Variants in SIX6 observed in about 807,000 individuals in gnomAD.
The protein encoded by SIX6 is homeobox protein SIX6.
In SIX6, 14 loss-of-function variants were observed where a neutral mutation model predicts 23.6. That is an observed-to-expected ratio of 0.59 (90% CI 0.39 to 0.93). The LOEUF (loss-of-function observed/expected upper bound fraction) is 0.93. Among genes scored for constraint, SIX6 ranks in the 40% least tolerant of loss-of-function variants. The probability of loss-of-function intolerance (pLI) is 0.00; values close to 1 mark genes in which losing one functional copy is unlikely to be tolerated. For missense variants in SIX6, 307 were observed against 325.6 expected, an observed-to-expected ratio of 0.94 and a Z score of 0.44; for synonymous variants, 128 against 144.9, an observed-to-expected ratio of 0.88 and a Z score of 0.84.
chr14:60,510,724 C>T (rs990182878), intron 1 of SIX6, among the ~76,000 whole-genome samples: 3 of 152,226 alleles, frequency 2.0e-5, no homozygotes, highest in Non-Finnish European at 4.4e-5. Flanking sequence ...ATCCCATGTC[C>T]CTGGGACCGA....
Position 60,511,319 on chromosome 14 carries a change from G to C in SIX6, c.*67G>C. Reference sequence around the variant, plus strand: ...AACGAGAAAAACAAAATGAAAGAGGGGAAGAAGATGAGAGACCTGCAAATC... The same window carrying C: ...AACGAGAAAAACAAAATGAAAGAGGCGAAGAAGATGAGAGACCTGCAAATC... On this transcript the variant is annotated 3_prime_UTR_variant, in exon 2 of 2. Coordinates refer to ENST00000327720, the MANE Select transcript of SIX6 (RefSeq NM_007374.3). 7.1e-6 allele frequency: 11 copies of C among 1,539,176 alleles called. No individual in the cohort carries two copies. Among genetic ancestry groups the C allele is most frequent in the South Asian group, 1.1e-5 (1 of 89,410 alleles).
chr14:60,511,036 G>A, intron 1 of SIX6, 48 bp from the exon 2 acceptor site: 1 of 1,592,702 alleles, frequency 6.3e-7, no homozygotes, highest in East Asian at 2.3e-5. Flanking sequence ...GCGGGCGACG[G>A]GCGGCTGTGT....
Position 60,511,738 on chromosome 14 carries a change from C to G in SIX6, c.*486C>G, listed in dbSNP as rs543820873. 27 of 231,532 alleles carry G rather than the reference C, an allele frequency of 1.2e-4. No homozygotes were observed. The South Asian group carries it at 1.6e-3, about 13-fold the overall frequency. 14.3% of individuals were successfully genotyped at this position (231,532 alleles called of 1,614,324 possible). A position where few individuals can be genotyped will look rare whatever the true frequency, so the allele number is the denominator to read the frequency against. On this transcript the variant is annotated 3_prime_UTR_variant, in exon 2 of 2. Coordinates refer to ENST00000327720, the MANE Select transcript of SIX6 (RefSeq NM_007374.3). Reference sequence around the variant, plus strand: ...AACTTGCTGTTTCTAAACATGCAGGCTGGTGGTGATGGGTTCTGTGTGGAG... The same window carrying G: ...AACTTGCTGTTTCTAAACATGCAGGGTGGTGGTGATGGGTTCTGTGTGGAG...
chr14:60,511,015 A>T (rs575350324), intron 1 of SIX6, 69 bp from the exon 2 acceptor site: 3 of 1,498,284 alleles, frequency 2.0e-6, no homozygotes, highest in East Asian at 2.4e-5. Flanking sequence ...GGGACGCAGG[A>T]GGTGGTGGGG....
chr14:60,509,679 C>T lies in SIX6; in HGVS notation c.281C>T (p.Ala94Val). The T allele has an allele frequency of 1.2e-6, 2 of 1,613,998 alleles. No individual in the cohort carries two copies. The highest frequency in any genetic ancestry group is 1.7e-6 in the Non-Finnish European group (2 of 1,180,006). ...AAGCTGCAGGCGCTGTGGCTTGAAG[C>T]ACACTACCAGGAGGCTGAGAAGCTG... ...HAKLQALWLE[A>V]HYQEAEKLRG... The change falls in exon 1 of 2, where the codon GCA becomes GTA. Residue 94 changes from alanine (A) to valine (V), a missense_variant. Coordinates refer to ENST00000327720, the MANE Select transcript of SIX6 (RefSeq NM_007374.3).
At position 60,509,539 on chromosome 14, in the gene SIX6, C is replaced by G; in HGVS notation, c.141C>G (p.Leu47=). 1 of 1,610,044 alleles carries G rather than the reference C, an allele frequency of 6.2e-7. No homozygotes were observed. Among genetic ancestry groups the G allele is most frequent in the African/African-American group, 1.3e-5 (1 of 75,064 alleles). ...TGGCCCCTGCGGCCTGCGAGGCCCT[C>G]AACAAGAATGAGTCGGTGCTACGCG... ...LPVAPAACEA[L]NKNESVLRAR... Residue 47 remains leucine, a synonymous_variant, in exon 1 of 2, where the codon CTC becomes CTG. Transcript: ENST00000327720.
intron 1 of SIX6, 21 bp downstream of exon 1, chr14:60,509,991 G>A (rs2140188271): frequency 1.9e-6 from 3 of 1,574,550 alleles, no homozygotes; most frequent in Non-Finnish European, 2.6e-6. Flanking sequence ...AGAGGCCTCC[G>A]CGCTTTGAGC....
At position 60,511,971 on chromosome 14, in the gene SIX6, T is replaced by C; in HGVS notation, c.*719T>C. 6.5e-6 allele frequency: 1 copy of C among 153,728 alleles called. No individual in the cohort carries two copies. The highest frequency in any genetic ancestry group is 1.4e-5 in the Non-Finnish European group (1 of 69,106). The allele number at this position is 153,728 out of a possible 1,614,324, so 9.5% of individuals were successfully genotyped here. A position where few individuals can be genotyped will look rare whatever the true frequency, so the allele number is the denominator to read the frequency against. ...TATGTTTTAAACAACCTATGGTAGG[T>C]CTATAACCACCTCCCACGTCAAATT... is the stretch of plus-strand genomic sequence containing the variant. On this transcript the variant is annotated 3_prime_UTR_variant, in exon 2 of 2. Transcript: ENST00000327720.
intron 1 of SIX6, among the ~76,000 whole-genome samples, chr14:60,510,424 A>G (rs1245754053): frequency 6.6e-6 from 1 of 152,144 alleles, no homozygotes; most frequent in Admixed American, 6.5e-5. Context: ...CTTTGAAAAC[A>G]GTTTTCAATG....
In SIX6 at chr14:60,509,623, A is replaced by G; in HGVS notation, c.225A>G (p.Glu75=). Residue 75 remains glutamate (E), a synonymous_variant, in exon 1 of 2, where the codon GAA becomes GAG. Coordinates refer to ENST00000327720, the MANE Select transcript of SIX6 (RefSeq NM_007374.3). ...GNYRELYHIL[E]NHKFTKESHA... is the part of the protein sequence containing the mutation. ...ACCGCGAGCTCTATCATATCCTGGA[A>G]AACCACAAGTTCACCAAGGAGTCGC... 2 of 1,613,834 alleles carry G rather than the reference A, an allele frequency of 1.2e-6. No individual in the cohort carries two copies. The highest frequency in any genetic ancestry group is 2.7e-5 in the African/African-American group (2 of 75,054).
Position 60,512,396 on chromosome 14 carries a change from T to C in SIX6, c.*1144T>C, listed in dbSNP as rs1167808346. 3 of 152,250 alleles carry C rather than the reference T, an allele frequency of 2.0e-5. No individual in the cohort carries two copies. Among genetic ancestry groups the C allele is most frequent in the Non-Finnish European group, 4.4e-5 (3 of 68,042 alleles). The allele number at this position is 152,250 out of a possible 1,614,324, so 9.4% of individuals were successfully genotyped here. ...ATATACTGCATTTAGGATTGAGCTA[T>C]TATTAAAATAAGACAAAAGATGATA... On this transcript the variant is annotated 3_prime_UTR_variant, in exon 2 of 2. Transcript: ENST00000327720.
chr14:60,510,510 T>C (rs1041612701), intron 1 of SIX6, among the ~76,000 whole-genome samples: 1 of 152,252 alleles, frequency 6.6e-6, no homozygotes, highest in Admixed American at 6.5e-5. Context: ...AACAGCAAAC[T>C]AGTCCGTGGG....
In SIX6 at chr14:60,511,074, T is replaced by A. The variant is rs916365037; in HGVS notation, c.573-10T>A. 4 of 1,612,100 alleles carry A rather than the reference T, an allele frequency of 2.5e-6. No homozygotes were observed. Among genetic ancestry groups the A allele is most frequent in the Non-Finnish European group, 3.4e-6 (4 of 1,179,678 alleles). On this transcript the variant is annotated splice_polypyrimidine_tract_variant and intron_variant, in intron 1 of 1. Transcript: ENST00000327720. ...CGAGCTGTGACCCGTGTTCCCTTTC[T>A]TCCCCGTAGACTCCAGCAGCAGGTC...
rs1166499175 is a variant in SIX6 at position 60,509,828 on chromosome 14, C to T, written c.430C>T (p.Arg144Cys). 5 of 1,613,794 alleles carry T rather than the reference C, an allele frequency of 3.1e-6. No individual in the cohort carries two copies. Among genetic ancestry groups the T allele is most frequent in the African/African-American group, 1.3e-5 (1 of 74,948 alleles). Reference sequence around the variant, plus strand: ...CAAGGAGCGCACGCGGCACCTGCTACGCGAGTGGTACCTGCAGGATCCATA... The same window carrying T: ...CAAGGAGCGCACGCGGCACCTGCTATGCGAGTGGTACCTGCAGGATCCATA... ...CFKERTRHLL[R>C]EWYLQDPYPN... The change falls in exon 1 of 2, where the codon CGC becomes TGC. Residue 144 changes from arginine to cysteine, a missense_variant. Coordinates refer to ENST00000327720, the MANE Select transcript of SIX6 (RefSeq NM_007374.3).
At chr14:60,510,620 T>C (rs1006182696) in intron 1 of SIX6, among the ~76,000 whole-genome samples, 1 of 152,108 alleles carries the variant, frequency 6.6e-6, no homozygotes, top group African/African-American at 2.4e-5. Flanking sequence ...CTTACAATCC[T>C]TTTTGCCTTT....
At chr14:60,511,032 G>A (rs1446111091) in intron 1 of SIX6, 52 bp from the exon 2 acceptor site, 2 of 1,582,558 alleles carry the variant, frequency 1.3e-6, no homozygotes, top group South Asian at 1.1e-5. Flanking sequence ...GGGGGCGGGC[G>A]ACGGGCGGCT....
intron 1 of SIX6, 53 bp downstream of exon 1, chr14:60,510,023 G>A: frequency 1.3e-6 from 2 of 1,492,884 alleles, no homozygotes; most frequent in Non-Finnish European, 1.8e-6. Flanking sequence ...GAGGCGGGTG[G>A]AGGCACCTCT....
At position 60,510,096 on chromosome 14, in the gene SIX6, G is replaced by T. The variant is rs1893268084; in HGVS notation, c.572+126G>T. 3.5e-6 allele frequency: 3 copies of T among 861,882 alleles called. No individual in the cohort carries two copies. The Admixed American group carries it at 6.2e-5, about 18-fold the overall frequency. The allele number at this position is 861,882 out of a possible 1,614,324, so 53.4% of individuals were successfully genotyped here. ...AGGAGTTGGGAGCGCGGTCTGTCTT[G>T]GGTTAAGAGCCCTGCGTTCTGGGCT... On this transcript the variant is annotated intron_variant, in intron 1 of 1. Coordinates refer to ENST00000327720, the MANE Select transcript of SIX6 (RefSeq NM_007374.3).
Position 60,509,505 on chromosome 14 carries a change from C to T in SIX6, c.107C>T (p.Ser36Leu). ...GAGCGCCTGGGTCGCTTCCTCTGGT[C>T]GCTGCCCGTGGCCCCTGCGGCCTGC... Reference protein sequence around the residue: ...DVERLGRFLWSLPVAPAACEA... With the variant: ...DVERLGRFLWLLPVAPAACEA... Residue 36 changes from serine to leucine, a missense_variant, in exon 1 of 2, where the codon TCG becomes TTG. Transcript: ENST00000327720. 3 of 1,604,484 alleles carry T rather than the reference C, an allele frequency of 1.9e-6. No individual in the cohort carries two copies. The highest frequency in any genetic ancestry group is 1.3e-5 in the African/African-American group (1 of 75,054).
Sources: allele counts gnomAD v4.1 joint callset (sites outside exome capture counted in the v4.1 genomes callset), GRCh38; gene constraint gnomAD v4.1.1; transcripts MANE v1.5; gene names NCBI Gene and HGNC (gene_info 2026-07-23, HGNC 2026-07-21).